Variants in CNTNAP2 observed in about 807,000 individuals in gnomAD.
The protein encoded by CNTNAP2 is contactin-associated protein-like 2.
In CNTNAP2, 98 loss-of-function variants were observed where a neutral mutation model predicts 155.2. That is an observed-to-expected ratio of 0.63 (90% CI 0.54 to 0.75). The LOEUF (loss-of-function observed/expected upper bound fraction) is 0.75, where lower values mean the gene tolerates loss of function less well. Among genes scored for constraint, CNTNAP2 ranks in the 30% least tolerant of loss-of-function variants. The probability of loss-of-function intolerance (pLI) is 0.00; values close to 1 mark genes in which losing one functional copy is unlikely to be tolerated. For missense variants in CNTNAP2, 1,727 were observed against 1,688.1 expected (o/e 1.02, Z -0.40); for synonymous variants, 651 against 631.2 (o/e 1.03, Z -0.47).
chr7:147,118,402 A>T (rs1195561350), intron 5 of CNTNAP2, among the ~76,000 whole-genome samples: 1 of 152,228 alleles, frequency 6.6e-6, no homozygotes, highest in Non-Finnish European at 1.5e-5. Flanking sequence ...AACACATAGA[A>T]ATATGTTGAT....
At chr7:148,298,177 T>A (rs188756197) in intron 21 of CNTNAP2, among the ~76,000 whole-genome samples, 1 of 152,274 alleles carries the variant, frequency 6.6e-6, no homozygotes, top group Non-Finnish European at 1.5e-5. Context: ...GTGATCTAAC[T>A]CCAAGTCCAA....
intron 9 of CNTNAP2, among the ~76,000 whole-genome samples, chr7:147,385,074 G>T (rs1796602835): frequency 6.6e-6 from 1 of 152,234 alleles, no homozygotes; most frequent in African/African-American, 2.4e-5. Flanking sequence ...AACTTGTGCA[G>T]GGAAACTCCC....
chr7:147,386,322 A>G (rs1390082336), intron 9 of CNTNAP2, among the ~76,000 whole-genome samples: 7 of 152,106 alleles, frequency 4.6e-5, no homozygotes, highest in African/African-American at 1.7e-4. Flanking sequence ...AGGCTTGAGT[A>G]TCTCCTAAGA....
chr7:146,396,784 T>C (rs116372914), intron 1 of CNTNAP2, among the ~76,000 whole-genome samples: 2,130 of 151,526 alleles, frequency 0.014, 46 homozygotes, highest in African/African-American at 0.048. Flanking sequence ...AGTACTAGCA[T>C]GCTAAATATT....
chr7:147,989,739 T>G (rs1248961384), intron 15 of CNTNAP2, among the ~76,000 whole-genome samples: 2 of 152,232 alleles, frequency 1.3e-5, no homozygotes, highest in African/African-American at 4.8e-5. Context: ...TCCTTCCACA[T>G]AAGCAATCTC....
chr7:146,467,603 T>A (rs1472334662), intron 1 of CNTNAP2, among the ~76,000 whole-genome samples: 3 of 152,164 alleles, frequency 2.0e-5, no homozygotes, highest in African/African-American at 7.2e-5. Flanking sequence ...TTGGGTACTT[T>A]TATTTATTTC....
At chr7:148,309,568 G>A (rs1405148143) in intron 21 of CNTNAP2, among the ~76,000 whole-genome samples, 1 of 152,122 alleles carries the variant, frequency 6.6e-6, no homozygotes, top group Non-Finnish European at 1.5e-5. Context: ...GTAAGTAAAG[G>A]AAAATTACAG....
chr7:148,187,153 G>C (rs986298798), intron 18 of CNTNAP2, among the ~76,000 whole-genome samples: 5 of 147,048 alleles, frequency 3.4e-5, no homozygotes, highest in African/African-American at 1.3e-4. Context: ...CACACAAACA[G>C]AGCCAGGTGT....
intron 1 of CNTNAP2, among the ~76,000 whole-genome samples, chr7:146,528,263 G>A (rs1323769788): frequency 2.6e-5 from 4 of 152,144 alleles, no homozygotes; most frequent in Non-Finnish European, 1.5e-5. Context: ...GGGTTGGAGA[G>A]TTTTGGCAAA....
intron 10 of CNTNAP2, among the ~76,000 whole-genome samples, chr7:147,441,857 C>CTCTCTCTCCT (rs1797645966): frequency 1.6e-5 from 2 of 127,426 alleles, no homozygotes; most frequent in African/African-American, 6.1e-5. Flanking sequence ...CTCTCCCTCC[C>CTCTCTCTCCT]TCCCTCCCTC....
intron 4 of CNTNAP2, among the ~76,000 whole-genome samples, chr7:147,102,795 G>A (rs770374161): frequency 6.6e-6 from 1 of 152,134 alleles, no homozygotes; most frequent in Non-Finnish European, 1.5e-5. Flanking sequence ...AAGAAAGGCA[G>A]TGGGTTAGGA....
At chr7:148,037,583 T>A (rs1423754677) in intron 15 of CNTNAP2, among the ~76,000 whole-genome samples, 1 of 152,230 alleles carries the variant, frequency 6.6e-6, no homozygotes, top group Non-Finnish European at 1.5e-5. Flanking sequence ...AGTCCCCCCT[T>A]GTCCGTGGTT....
At chr7:148,120,951 T>G (rs1804582866) in intron 16 of CNTNAP2, among the ~76,000 whole-genome samples, 1 of 152,140 alleles carries the variant, frequency 6.6e-6, no homozygotes, top group African/African-American at 2.4e-5. Flanking sequence ...CCAAAAGTGG[T>G]GCTTTCATGA....
intron 1 of CNTNAP2, among the ~76,000 whole-genome samples, chr7:146,472,069 G>A (rs2129126792): frequency 1.3e-5 from 2 of 152,284 alleles, no homozygotes; most frequent in Middle Eastern, 3.4e-3. Flanking sequence ...ATTTTATGTA[G>A]CTCAATTTAA....
chr7:147,596,333 C>T (rs1456666754), intron 12 of CNTNAP2, among the ~76,000 whole-genome samples: 4 of 152,198 alleles, frequency 2.6e-5, no homozygotes, highest in African/African-American at 9.6e-5. Context: ...ACTTATTGAC[C>T]TTACATCCAC....
At chr7:147,914,643 C>G (rs1013452890) in intron 14 of CNTNAP2, among the ~76,000 whole-genome samples, 5 of 152,136 alleles carry the variant, frequency 3.3e-5, no homozygotes, top group African/African-American at 9.7e-5. Context: ...TCACTGCAAC[C>G]TCGACCTCCC....
intron 1 of CNTNAP2, among the ~76,000 whole-genome samples, chr7:146,287,112 G>C (rs1415141121): frequency 6.6e-6 from 1 of 152,028 alleles, no homozygotes; most frequent in Admixed American, 6.6e-5. Context: ...AGGTAGACAG[G>C]GACATTTCTG....
chr7:147,546,858 C>T (rs1799744150), intron 11 of CNTNAP2, among the ~76,000 whole-genome samples: 1 of 152,166 alleles, frequency 6.6e-6, no homozygotes, highest in African/African-American at 2.4e-5. Context: ...ACTCCAAGGG[C>T]ATTGACTTTA....
intron 9 of CNTNAP2, among the ~76,000 whole-genome samples, chr7:147,376,616 GT>G (rs1796438464): frequency 6.6e-6 from 1 of 151,796 alleles, no homozygotes; most frequent in Non-Finnish European, 1.5e-5. Context: ...GTATCAGTGA[GT>G]TCTCTGTGCT....
Sources: gnomAD v4.1 joint callset for allele counts (sites outside exome capture counted in the v4.1 genomes callset) on GRCh38, gnomAD v4.1.1 for gene constraint, MANE v1.5 for transcripts, NCBI Gene and HGNC (gene_info 2026-07-23, HGNC 2026-07-21) for gene names.